The following ALPK2 variants were observed in gnomAD, a reference collection of about 807,000 sequenced individuals.
ALPK2 encodes alpha kinase 2, also known as alpha-protein kinase 2.
A neutral mutation model predicts 163.1 loss-of-function variants in ALPK2; 127 were observed. That is an observed-to-expected ratio of 0.78 (90% CI 0.67 to 0.90). The LOEUF (loss-of-function observed/expected upper bound fraction) is 0.90, where lower values mean the gene tolerates loss of function less well. Among genes scored for constraint, ALPK2 ranks in the 40% least tolerant of loss-of-function variants. ALPK2 has a pLI of 0.00. For missense variants in ALPK2, 2,360 were observed against 2,589.6 expected (o/e 0.91, Z 1.92); for synonymous variants, 953 against 959.1 (o/e 0.99, Z 0.12).
intron 10 of ALPK2, among the ~76,000 whole-genome samples, chr18:58,512,900 ATGTG>A: frequency 1.3e-5 from 1 of 76,638 alleles, no homozygotes; most frequent in South Asian, 4.4e-4. Flanking sequence ...TGTAATGCGT[ATGTG>A]TGTGGTGTAT....
At position 58,579,154 on chromosome 18, in the gene ALPK2, C is replaced by G; in HGVS notation, c.1622G>C (p.Gly541Ala). The G allele has an allele frequency of 1.2e-6, 2 of 1,614,172 alleles. No homozygotes were observed. The highest frequency in any genetic ancestry group is 4.5e-5 in the East Asian group (2 of 44,880). Residue 541 changes from glycine (G) to alanine (A), a missense_variant, in exon 4 of 13, where the codon GGA becomes GCA. Gly to Ala is a moderately conservative substitution (Grantham distance 60, BLOSUM62 0). Transcript: ENST00000361673. ...CGGCTTCTTGGGATTTCCCTTCATTCCCGGCTGCCTCACCCTGGCAGATTT... is the reference window on the plus strand; with the variant it reads ...CGGCTTCTTGGGATTTCCCTTCATTGCCGGCTGCCTCACCCTGGCAGATTT... Reference protein sequence around the residue: ...SRKSARVRQPGMKGNPKKPNA... With the variant: ...SRKSARVRQPAMKGNPKKPNA...
At chr18:58,626,017 G>A (rs770839352) in intron 1 of ALPK2, among the ~76,000 whole-genome samples, 46 of 152,308 alleles carry the variant, frequency 3.0e-4, no homozygotes, top group Non-Finnish European at 4.6e-4. Context: ...ACGTGATTAC[G>A]TTCTCCCAAG....
intron 10 of ALPK2, among the ~76,000 whole-genome samples, chr18:58,505,693 G>T (rs72933208): frequency 0.078 from 11,791 of 152,010 alleles, 612 homozygotes; most frequent in Non-Finnish European, 0.12. Flanking sequence ...ACGCAAATCC[G>T]CTGTAGACTC....
At position 58,611,820 on chromosome 18, in the gene ALPK2, G is replaced by T; in HGVS notation, c.-20-3C>A. The T allele has an allele frequency of 4.7e-6, 5 of 1,069,136 alleles. No individual in the cohort carries two copies. Among genetic ancestry groups the T allele is most frequent in the South Asian group, 1.7e-5 (1 of 59,868 alleles). 66.2% of individuals were successfully genotyped at this position (1,069,136 alleles called of 1,614,324 possible). A position where few individuals can be genotyped will look rare whatever the true frequency, so the allele number is the denominator to read the frequency against. On this transcript the variant is annotated splice_region_variant and splice_polypyrimidine_tract_variant and intron_variant, in intron 1 of 12. Coordinates refer to ENST00000361673, the MANE Select transcript of ALPK2 (RefSeq NM_052947.4). Reference sequence around the variant, plus strand: ...CATCCTTTCATGCCGCACCAAATCTGAAAAAAAAAAAAATCCCCGACATCA... The same window carrying T: ...CATCCTTTCATGCCGCACCAAATCTTAAAAAAAAAAAAATCCCCGACATCA...
intron 3 of ALPK2, among the ~76,000 whole-genome samples, chr18:58,598,691 A>C (rs181728551): frequency 1.3e-5 from 2 of 152,298 alleles, no homozygotes; most frequent in Non-Finnish European, 2.9e-5. Flanking sequence ...ATAACTAGCC[A>C]TCTCCCCTTG....
At position 58,503,977 on chromosome 18, in the gene ALPK2, C is replaced by G; in HGVS notation, c.6201G>C (p.Trp2067Cys). The change falls in exon 11 of 13, where the codon TGG becomes TGC. Residue 2067 changes from tryptophan (W) to cysteine (C), a missense_variant. Trp to Cys is a radical substitution (Grantham distance 215, BLOSUM62 -2). Coordinates refer to ENST00000361673, the MANE Select transcript of ALPK2 (RefSeq NM_052947.4). ...GGCAGCCACTTGTTTTCTGGTACAC[C>G]CAGTGCTGGAAGGTGCAACATTTCT... ...AGQKCCTFQH[W>C]VYQKTSGCLL... 6.2e-7 allele frequency: 1 copy of G among 1,614,126 alleles called. No homozygotes were observed. The highest frequency in any genetic ancestry group is 8.5e-7 in the Non-Finnish European group (1 of 1,180,018).
At chr18:58,494,580 A>T (rs1177111672) in intron 12 of ALPK2, among the ~76,000 whole-genome samples, 1 of 151,694 alleles carries the variant, frequency 6.6e-6, no homozygotes, top group Middle Eastern at 3.4e-3. Flanking sequence ...TTTTTTTTTT[A>T]AATGACACAC....
chr18:58,587,435 G>C (rs1029901370), intron 3 of ALPK2, among the ~76,000 whole-genome samples: 1 of 152,052 alleles, frequency 6.6e-6, no homozygotes, highest in Admixed American at 6.6e-5. Flanking sequence ...ACTGTCCCTA[G>C]ACTTGCTAAA....
intron 11 of ALPK2, among the ~76,000 whole-genome samples, chr18:58,503,654 G>A (rs775564027): frequency 2.0e-5 from 3 of 152,256 alleles, no homozygotes; most frequent in East Asian, 1.9e-4. Flanking sequence ...AGCTATGATC[G>A]TGCCACTGTA....
chr18:58,577,555 C>T (rs1025533210), intron 4 of ALPK2, among the ~76,000 whole-genome samples: 5 of 152,214 alleles, frequency 3.3e-5, no homozygotes, highest in Non-Finnish European at 7.3e-5. Context: ...AAGCACCTCC[C>T]TAAGCTTATC....
intron 1 of ALPK2, among the ~76,000 whole-genome samples, chr18:58,620,192 G>A (rs777732818): frequency 2.0e-5 from 3 of 152,200 alleles, no homozygotes; most frequent in Non-Finnish European, 2.9e-5. Context: ...TTGGGAGGCC[G>A]AGGTAAGATA....
At chr18:58,594,877 C>T (rs941768230) in intron 3 of ALPK2, among the ~76,000 whole-genome samples, 1 of 152,312 alleles carries the variant, frequency 6.6e-6, no homozygotes, top group East Asian at 1.9e-4. Context: ...TCTGAATTAC[C>T]GCGATGGTTG....
intron 4 of ALPK2, chr18:58,543,486 G>A: frequency 1.3e-6 from 1 of 751,092 alleles, no homozygotes; most frequent in Admixed American, 6.3e-5. Context: ...CAAAGAGAGA[G>A]GGCAGCAGAA....
chr18:58,488,003 G>A (rs1226961923), intron 12 of ALPK2, among the ~76,000 whole-genome samples: 6 of 152,120 alleles, frequency 3.9e-5, no homozygotes, highest in Non-Finnish European at 7.3e-5. Context: ...GTCTGGAGTG[G>A]GGGTGGAATT....
intron 12 of ALPK2, among the ~76,000 whole-genome samples, chr18:58,494,202 T>C (rs1411147283): frequency 6.6e-6 from 1 of 152,210 alleles, no homozygotes; most frequent in Non-Finnish European, 1.5e-5. Flanking sequence ...TGGGTCTATC[T>C]AGAAAATGGA....
At chr18:58,553,999 A>C (rs2051775318) in intron 4 of ALPK2, among the ~76,000 whole-genome samples, 1 of 151,664 alleles carries the variant, frequency 6.6e-6, no homozygotes, top group South Asian at 2.1e-4. Context: ...GTACCTGGGA[A>C]TACAGGTGTG....
chr18:58,496,975 A>G (rs899628562), intron 12 of ALPK2, among the ~76,000 whole-genome samples: 2 of 152,212 alleles, frequency 1.3e-5, no homozygotes, highest in Non-Finnish European at 2.9e-5. Context: ...TGTCCCAGAG[A>G]CTGCTGGAAA....
chr18:58,508,263 G>A (rs2051471582), intron 10 of ALPK2, among the ~76,000 whole-genome samples: 1 of 152,126 alleles, frequency 6.6e-6, no homozygotes, highest in Non-Finnish European at 1.5e-5. Context: ...AATTTTCAGG[G>A]AGGCTGATTT....
intron 3 of ALPK2, among the ~76,000 whole-genome samples, chr18:58,597,157 G>A (rs1249743103): frequency 2.0e-5 from 3 of 152,140 alleles, no homozygotes; most frequent in Non-Finnish European, 2.9e-5. Flanking sequence ...AGGTGTGGTG[G>A]TGGGGACCTG....
Sources: gnomAD v4.1 joint callset for allele counts (sites outside exome capture counted in the v4.1 genomes callset) on GRCh38, gnomAD v4.1.1 for gene constraint, MANE v1.5 for transcripts, NCBI Gene and HGNC (gene_info 2026-07-23, HGNC 2026-07-21) for gene names.